IFIT2: variants seen among roughly 807,000 people sequenced by gnomAD.
IFIT2 encodes interferon-induced protein with tetratricopeptide repeats 2.
IFIT2 carries 3 observed loss-of-function variants against 2.5 expected under a neutral mutation model. That is an observed-to-expected ratio of 1.21 (90% CI 0.55 to 3.14). IFIT2 has a LOEUF of 3.14. Among genes scored for constraint, IFIT2 ranks in the 30% most tolerant of loss-of-function variants. IFIT2 has a pLI of 0.03. For synonymous variants in IFIT2, 212 were observed against 200.7 expected (o/e 1.06, Z -0.48); for missense variants, 493 against 558.9 (o/e 0.88, Z 1.19).
chr10:89,305,310 C>T (rs1350739181), intron 1 of IFIT2, among the ~76,000 whole-genome samples: 1 of 151,512 alleles, frequency 6.6e-6, no homozygotes, highest in Non-Finnish European at 1.5e-5. Flanking sequence ...TAAACCAATA[C>T]AAAATAAAAC....
chr10:89,304,751 A>C (rs6586180), intron 1 of IFIT2, among the ~76,000 whole-genome samples: 63,994 of 151,858 alleles, frequency 0.42, 17,507 homozygotes, highest in African/African-American at 0.79. Context: ...TGGGTTTTTT[A>C]GGGGTTTTTT....
rs1033584249 is a variant in IFIT2 at position 89,307,288 on chromosome 10, A to T, written c.1332A>T (p.Glu444Asp). The T allele has an allele frequency of 1.2e-6, 2 of 1,614,014 alleles. No homozygotes were observed. The highest frequency in any genetic ancestry group is 1.7e-6 in the Non-Finnish European group (2 of 1,179,932). Reference sequence around the variant, plus strand: ...TGGCATTCCTTCAGGAGCTGAATGAAAAAATGCAACAAGCAGATGAAGACT... The same window carrying T: ...TGGCATTCCTTCAGGAGCTGAATGATAAAATGCAACAAGCAGATGAAGACT... ...HVLAFLQELN[E>D]KMQQADEDSE... Residue 444 changes from glutamate (E) to aspartate (D), a missense_variant, in exon 2 of 2, where the codon GAA becomes GAT. Transcript: ENST00000371826.
intron 1 of IFIT2, among the ~76,000 whole-genome samples, chr10:89,303,552 A>C (rs1399998698): frequency 6.6e-6 from 1 of 152,208 alleles, no homozygotes; most frequent in African/African-American, 2.4e-5. Context: ...CAGCTTCTCT[A>C]ACTTACCAGT....
Position 89,307,147 on chromosome 10 carries a change from G to A in IFIT2, c.1191G>A (p.Glu397=). Residue 397 remains glutamate (E), a synonymous_variant, in exon 2 of 2, where the codon GAG becomes GAA. Transcript: ENST00000371826. The part of the protein sequence containing the change: ...CEDKAIHHFI[E]GVKINQKSRE... ...ACAAGGCCATCCACCACTTTATAGA[G>A]GGTGTAAAAATAAACCAGAAATCAA... 2 of 1,613,976 alleles carry A rather than the reference G, an allele frequency of 1.2e-6. No homozygotes were observed. Among genetic ancestry groups the A allele is most frequent in the Non-Finnish European group, 1.7e-6 (2 of 1,179,948 alleles).
In IFIT2 at chr10:89,308,272, T is replaced by C. The variant is rs570768040; in HGVS notation, c.*897T>C. The C allele has an allele frequency of 6.6e-6, 1 of 152,274 alleles. No homozygotes were observed. Among genetic ancestry groups the C allele is most frequent in the African/African-American group, 2.4e-5 (1 of 41,556 alleles). The allele number at this position is 152,274 out of a possible 1,614,324, so 9.4% of individuals were successfully genotyped here. A position where few individuals can be genotyped will look rare whatever the true frequency, so the allele number is the denominator to read the frequency against. ...AGGAATGCTGGTTTATCTTTGTAGA[T>C]TGTAATCGAATGGAGAAATTTGCAG... On this transcript the variant is annotated 3_prime_UTR_variant, in exon 2 of 2. Coordinates refer to ENST00000371826, the MANE Select transcript of IFIT2 (RefSeq NM_001547.5).
At chr10:89,302,445 T>C (rs1843451325) in intron 1 of IFIT2, among the ~76,000 whole-genome samples, 1 of 152,178 alleles carries the variant, frequency 6.6e-6, no homozygotes, top group African/African-American at 2.4e-5. Flanking sequence ...CACTTAAAGA[T>C]GGGTCTGGGG....
intron 1 of IFIT2, 135 bp downstream of exon 1, chr10:89,302,263 G>T: frequency 1.1e-6 from 1 of 904,002 alleles, no homozygotes; most frequent in South Asian, 1.4e-5. Flanking sequence ...CTCTACCTCT[G>T]TTGGTTGTAA....
Position 89,302,098 on chromosome 10 carries a change from G to C in IFIT2, c.-26G>C. Reference sequence around the variant, plus strand: ...GCAGCTGCCTGAACCGAGCCCTGCCGAACAGCTGAGAATTGCACTGCAACC... The same window carrying C: ...GCAGCTGCCTGAACCGAGCCCTGCCCAACAGCTGAGAATTGCACTGCAACC... On this transcript the variant is annotated 5_prime_UTR_variant, in exon 1 of 2. Transcript: ENST00000371826. 1.9e-6 allele frequency: 3 copies of C among 1,613,806 alleles called. No individual in the cohort carries two copies. The highest frequency in any genetic ancestry group is 2.5e-6 in the Non-Finnish European group (3 of 1,179,756).
In IFIT2 at chr10:89,305,956, C is replaced by T. The variant is rs375215860; in HGVS notation, c.6-6C>T. ...TCAAAGTCCATCTTTGTGTTTTTCC[C>T]TACAGTGAGAACAATAAGAATTCCT... is the stretch of plus-strand genomic sequence containing the variant. On this transcript the variant is annotated splice_region_variant and splice_polypyrimidine_tract_variant and intron_variant, in intron 1 of 1. Coordinates refer to ENST00000371826, the MANE Select transcript of IFIT2 (RefSeq NM_001547.5). The T allele has an allele frequency of 4.4e-6, 7 of 1,598,320 alleles. No homozygotes were observed. Among genetic ancestry groups the T allele is most frequent in the Non-Finnish European group, 6.0e-6 (7 of 1,168,434 alleles).
At chr10:89,302,836 G>C (rs1269647865) in intron 1 of IFIT2, among the ~76,000 whole-genome samples, 1 of 152,084 alleles carries the variant, frequency 6.6e-6, no homozygotes, top group Non-Finnish European at 1.5e-5. Flanking sequence ...CAGTTTGAAG[G>C]TGGGGTGGCC....
chr10:89,302,090 G>A lies in IFIT2; in HGVS notation c.-34G>A. ...TGAAGAGTGCAGCTGCCTGAACCGA[G>A]CCCTGCCGAACAGCTGAGAATTGCA... On this transcript the variant is annotated 5_prime_UTR_variant, in exon 1 of 2. Transcript: ENST00000371826. 6.2e-7 allele frequency: 1 copy of A among 1,613,790 alleles called. No homozygotes were observed. The highest frequency in any genetic ancestry group is 8.5e-7 in the Non-Finnish European group (1 of 1,179,732).
At position 89,306,357 on chromosome 10, in the gene IFIT2, A is replaced by G. The variant is rs755890892; in HGVS notation, c.401A>G (p.Glu134Gly). The G allele has an allele frequency of 6.2e-7, 1 of 1,614,188 alleles. No homozygotes were observed. The highest frequency in any genetic ancestry group is 1.1e-5 in the South Asian group (1 of 91,086). The change falls in exon 2 of 2, where the codon GAG becomes GGG. Residue 134 changes from glutamate to glycine, a missense_variant. By Grantham distance (98) the Glu-to-Gly change is moderately conservative. Transcript: ENST00000371826. ...CEKFSSPYRI[E>G]SPELDCEEGW... ...AAGTTTTCCAGTCCCTATAGAATTG[A>G]GAGTCCAGAGCTTGACTGTGAGGAA... is the stretch of plus-strand genomic sequence containing the variant.
chr10:89,304,994 CA>C (rs199712421), intron 1 of IFIT2, among the ~76,000 whole-genome samples: 95 of 123,596 alleles, frequency 7.7e-4, no homozygotes, highest in African/African-American at 2.4e-3. Context: ...AATAAAATTT[CA>C]AAAAAAAAAT....
At position 89,306,084 on chromosome 10, in the gene IFIT2, A is replaced by G. The variant is rs767979935; in HGVS notation, c.128A>G (p.Glu43Gly). The change falls in exon 2 of 2, where the codon GAG (glutamate) becomes GGG (glycine). Residue 43 changes from glutamate (E) to glycine (G), a missense_variant. Physicochemically the swap from Glu to Gly is moderately conservative, Grantham distance 98 (BLOSUM62 -2). Coordinates refer to ENST00000371826, the MANE Select transcript of IFIT2 (RefSeq NM_001547.5). ...DFEDKVFYRT[E>G]FQNREFKATM... The stretch of plus-strand genomic sequence containing the variant: ...GAAGACAAAGTATTTTACCGGACTG[A>G]GTTTCAGAATCGTGAATTCAAAGCC... 35 of 1,614,148 alleles carry G rather than the reference A, an allele frequency of 2.2e-5. No homozygotes were observed. The highest frequency in any genetic ancestry group is 2.9e-5 in the Non-Finnish European group (34 of 1,180,002).
rs558689246 is a variant in IFIT2 at position 89,307,024 on chromosome 10, C to A, written c.1068C>A (p.Tyr356Ter). The change falls in exon 2 of 2, where the codon TAC (tyrosine) becomes TAA (stop). Residue 356 changes from tyrosine (Y) to a stop codon, truncating the protein, a stop_gained. Coordinates refer to ENST00000371826, the MANE Select transcript of IFIT2 (RefSeq NM_001547.5). LOFTEE classifies it low-confidence loss of function (END_TRUNC). ...LADQYEDAEY[Y>*]FQKEFSKELT... ...ATCAGTATGAAGACGCAGAGTATTA[C>A]TTCCAAAAGGAATTCAGTAAAGAGC... 1.9e-6 allele frequency: 3 copies of A among 1,614,022 alleles called. No homozygotes were observed. The highest frequency in any genetic ancestry group is 1.7e-6 in the Non-Finnish European group (2 of 1,179,940).
chr10:89,308,217 G>A lies in IFIT2; in HGVS notation c.*842G>A, dbSNP rs929650885. 6.6e-6 allele frequency: 1 copy of A among 152,146 alleles called. No homozygotes were observed. The highest frequency in any genetic ancestry group is 6.5e-5 in the Admixed American group (1 of 15,280). 9.4% of individuals were successfully genotyped at this position (152,146 alleles called of 1,614,324 possible). On this transcript the variant is annotated 3_prime_UTR_variant, in exon 2 of 2. Transcript: ENST00000371826. Reference sequence around the variant, plus strand: ...ATAAATGTTCCACCAGTAGGGATAGGGGAAAAGTAACCAAAAGAGAGAAAG... The same window carrying A: ...ATAAATGTTCCACCAGTAGGGATAGAGGAAAAGTAACCAAAAGAGAGAAAG...
At chr10:89,303,652 T>C (rs1277379491) in intron 1 of IFIT2, among the ~76,000 whole-genome samples, 1 of 152,252 alleles carries the variant, frequency 6.6e-6, no homozygotes, top group Non-Finnish European at 1.5e-5. Flanking sequence ...ATATTAAATA[T>C]CTCTATCCTG....
rs1438499457 is a variant in IFIT2 at position 89,307,135 on chromosome 10, C to A, written c.1179C>A (p.His393Gln). 2 of 1,613,934 alleles carry A rather than the reference C, an allele frequency of 1.2e-6. No homozygotes were observed. The highest frequency in any genetic ancestry group is 1.7e-6 in the Non-Finnish European group (2 of 1,179,930). Residue 393 changes from histidine to glutamine, a missense_variant, in exon 2 of 2, where the codon CAC becomes CAA. Transcript: ENST00000371826. The stretch of plus-strand genomic sequence containing the variant: ...TGAAGTGTGAAGACAAGGCCATCCA[C>A]CACTTTATAGAGGGTGTAAAAATAA... ...YQMKCEDKAI[H>Q]HFIEGVKINQ... is the part of the protein sequence containing the mutation.
chr10:89,304,040 G>C (rs1001122810), intron 1 of IFIT2, among the ~76,000 whole-genome samples: 3 of 152,156 alleles, frequency 2.0e-5, no homozygotes, highest in Admixed American at 6.5e-5. Flanking sequence ...CCTACCCATG[G>C]TCCTGTGAAG....
Sources: gnomAD v4.1 joint callset for allele counts (sites outside exome capture counted in the v4.1 genomes callset) on GRCh38, gnomAD v4.1.1 for gene constraint, MANE v1.5 for transcripts, NCBI Gene and HGNC (gene_info 2026-07-23, HGNC 2026-07-21) for gene names.